Variants in SLC35F4 observed in about 807,000 individuals in gnomAD.
The protein encoded by SLC35F4 is chromosome 14 open reading frame 36.
In SLC35F4, 24 loss-of-function variants were observed where a neutral mutation model predicts 44.2. That is an observed-to-expected ratio of 0.54 (90% confidence interval 0.39 to 0.76). SLC35F4 has a LOEUF of 0.76. SLC35F4 is among the 30% of genes least tolerant of loss of function. SLC35F4 has a pLI of 0.00. For synonymous variants in SLC35F4, 238 were observed against 223.6 expected, an observed-to-expected ratio of 1.06 and a Z score of -0.57; for missense variants, 562 against 586.1, an observed-to-expected ratio of 0.96 and a Z score of 0.42.
At chr14:57,759,574 G>GA (rs889913498) in intron 1 of SLC35F4, among the ~76,000 whole-genome samples, 94 of 149,516 alleles carry the variant, frequency 6.3e-4, no homozygotes, top group Non-Finnish European at 1.0e-3. Flanking sequence ...AGCAAAAAAA[G>GA]AAAAAAAAAA....
At chr14:57,578,442 T>C (rs971395765) in intron 4 of SLC35F4, among the ~76,000 whole-genome samples, 1 of 149,420 alleles carries the variant, frequency 6.7e-6, no homozygotes. Flanking sequence ...GCTACATTTA[T>C]GTTGTCAGTG....
At chr14:57,758,451 C>A (rs922961274) in intron 1 of SLC35F4, among the ~76,000 whole-genome samples, 7 of 151,896 alleles carry the variant, frequency 4.6e-5, no homozygotes, top group African/African-American at 1.7e-4. Flanking sequence ...TCTAATTTGC[C>A]AATAATCCTA....
chr14:57,681,195 C>A (rs2074891583), intron 1 of SLC35F4, among the ~76,000 whole-genome samples: 1 of 152,064 alleles, frequency 6.6e-6, no homozygotes, highest in Non-Finnish European at 1.5e-5. Context: ...TGCAACAGAA[C>A]AGAGGCCTCA....
chr14:57,775,512 A>G (rs2077467315), intron 1 of SLC35F4, among the ~76,000 whole-genome samples: 1 of 152,198 alleles, frequency 6.6e-6, no homozygotes, highest in Admixed American at 6.5e-5. Context: ...CAGAATTACA[A>G]TATGCAGTCT....
At chr14:57,878,163 C>T (rs1423430613) in intron 1 of SLC35F4, among the ~76,000 whole-genome samples, 1 of 151,792 alleles carries the variant, frequency 6.6e-6, no homozygotes, top group African/African-American at 2.4e-5. Context: ...TTTAATGGGG[C>T]TGTTTGCTTT....
chr14:57,600,418 C>A (rs74330290), intron 1 of SLC35F4, among the ~76,000 whole-genome samples: 1 of 151,884 alleles, frequency 6.6e-6, no homozygotes. Context: ...AGGGGCCGGG[C>A]GCGGTGGCTC....
At chr14:57,674,655 A>T (rs2074630631) in intron 1 of SLC35F4, among the ~76,000 whole-genome samples, 1 of 152,146 alleles carries the variant, frequency 6.6e-6, no homozygotes, top group Non-Finnish European at 1.5e-5. Flanking sequence ...CCCTACTTTC[A>T]AGCTAAACAG....
At chr14:57,737,973 A>G (rs571621057) in intron 1 of SLC35F4, among the ~76,000 whole-genome samples, 1 of 152,358 alleles carries the variant, frequency 6.6e-6, no homozygotes, top group Admixed American at 6.5e-5. Context: ...AAGCAATTCT[A>G]TTAGGGCCAA....
At chr14:57,817,286 C>G (rs948410798) in intron 1 of SLC35F4, among the ~76,000 whole-genome samples, 2 of 152,100 alleles carry the variant, frequency 1.3e-5, no homozygotes, top group African/African-American at 4.8e-5. Flanking sequence ...AGAGTGGGCC[C>G]TTGAGCCTTA....
At chr14:57,793,276 G>A (rs972466950) in intron 1 of SLC35F4, among the ~76,000 whole-genome samples, 4 of 151,740 alleles carry the variant, frequency 2.6e-5, no homozygotes, top group Non-Finnish European at 4.4e-5. Context: ...TTGCTTTAGG[G>A]GTACAAGTGG....
intron 1 of SLC35F4, among the ~76,000 whole-genome samples, chr14:57,967,296 C>T (rs569472355): frequency 1.3e-5 from 2 of 152,272 alleles, no homozygotes; most frequent in South Asian, 4.2e-4. Context: ...ACTGTTAAGG[C>T]TGACAGCCCC....
intron 1 of SLC35F4, among the ~76,000 whole-genome samples, chr14:57,919,546 G>C (rs563740370): frequency 6.6e-6 from 1 of 152,218 alleles, no homozygotes. Context: ...AGAAAAAGCA[G>C]CTGTATTCTT....
chr14:57,621,148 C>G (rs1279555940), intron 1 of SLC35F4, among the ~76,000 whole-genome samples: 2 of 151,816 alleles, frequency 1.3e-5, no homozygotes, highest in Non-Finnish European at 2.9e-5. Context: ...CTACAAACCA[C>G]TGCTCAATGA....
intron 6 of SLC35F4, among the ~76,000 whole-genome samples, chr14:57,569,187 A>G (rs1196224078): frequency 1.3e-5 from 2 of 152,162 alleles, no homozygotes; most frequent in African/African-American, 4.8e-5. Flanking sequence ...ATGTCTTCCT[A>G]TCACAAATCC....
intron 1 of SLC35F4, among the ~76,000 whole-genome samples, chr14:57,660,745 C>A (rs1193472864): frequency 6.6e-6 from 1 of 152,064 alleles, no homozygotes; most frequent in Non-Finnish European, 1.5e-5. Flanking sequence ...GCCCACACGG[C>A]AAGAAACTGA....
chr14:57,875,753 G>T (rs751205454), intron 1 of SLC35F4, among the ~76,000 whole-genome samples: 3 of 152,196 alleles, frequency 2.0e-5, no homozygotes, highest in African/African-American at 7.2e-5. Context: ...AAAGTAAGTT[G>T]CAGGTTAACT....
At chr14:57,792,869 A>G (rs184469441) in intron 1 of SLC35F4, among the ~76,000 whole-genome samples, 1 of 149,586 alleles carries the variant, frequency 6.7e-6, no homozygotes, top group African/African-American at 2.5e-5. Flanking sequence ...AGAAATCACC[A>G]CTAAAGAATT....
chr14:57,701,436 G>A (rs756853968), intron 1 of SLC35F4, among the ~76,000 whole-genome samples: 97 of 152,270 alleles, frequency 6.4e-4, no homozygotes, highest in Non-Finnish European at 1.0e-3. Flanking sequence ...TATAGTTATA[G>A]TAAAAACATA....
intron 1 of SLC35F4, among the ~76,000 whole-genome samples, chr14:57,934,224 G>A (rs1468135811): frequency 2.0e-5 from 3 of 151,538 alleles, no homozygotes; most frequent in Non-Finnish European, 4.4e-5. Flanking sequence ...AAAAGAGCAT[G>A]AGAGAGGTTC....
Sources: gnomAD v4.1 joint callset for allele counts (sites outside exome capture counted in the v4.1 genomes callset) on GRCh38, gnomAD v4.1.1 for gene constraint, MANE v1.5 for transcripts, NCBI Gene and HGNC (gene_info 2026-07-23, HGNC 2026-07-21) for gene names.